The following SERGEF variants were observed in gnomAD, a reference collection of about 807,000 sequenced individuals.
SERGEF encodes the protein secretion regulating guanine nucleotide exchange factor, also known as secretion-regulating guanine nucleotide exchange factor.
SERGEF carries 51 observed loss-of-function variants against 50.0 expected under a neutral mutation model. The observed-to-expected ratio is 1.02, with a 90% confidence interval of 0.81 to 1.29. The LOEUF is 1.29. Ranked by LOEUF, SERGEF falls within the 50% of genes most tolerant of loss-of-function variation. The pLI, the probability that SERGEF is intolerant of heterozygous loss-of-function variation, is 0.00. For missense variants in SERGEF, 521 were observed against 557.0 expected (o/e 0.94, Z 0.65); for synonymous variants, 205 against 212.4 (o/e 0.97, Z 0.30).
chr11:17,987,287 G>A (rs1307204205), intron 8 of SERGEF, among the ~76,000 whole-genome samples: 1 of 152,194 alleles, frequency 6.6e-6, no homozygotes, highest in Non-Finnish European at 1.5e-5. Context: ...TTTGATGCAG[G>A]AAAATGAGTA....
At position 17,937,647 on chromosome 11, in the gene SERGEF, C is replaced by T. The variant is rs539198975; in HGVS notation, c.1011+21823G>A. ...TGGTGTTCCACAATTCTACAATAAG[C>T]ATGCACACTTTCTATAACATGAAAT... is the stretch of plus-strand genomic sequence containing the variant. On this transcript the variant is annotated intron_variant, in intron 9 of 10. Coordinates refer to ENST00000265965, the MANE Select transcript of SERGEF (RefSeq NM_012139.4). 1.3e-4 allele frequency among the ~76,000 whole-genome samples: 20 copies of T among 152,228 alleles called. No individual in the cohort carries two copies. In the East Asian group the frequency reaches 3.9e-3, roughly 29 times the overall value.
At chr11:17,854,630 T>C (rs1178274378) in intron 10 of SERGEF, among the ~76,000 whole-genome samples, 1 of 152,218 alleles carries the variant, frequency 6.6e-6, no homozygotes. Flanking sequence ...ATTTCAAGCT[T>C]GCTAGCCAGT....
chr11:17,972,798 A>C (rs1272315278), intron 8 of SERGEF, among the ~76,000 whole-genome samples: 1 of 152,072 alleles, frequency 6.6e-6, no homozygotes, highest in Non-Finnish European at 1.5e-5. Flanking sequence ...CAGACAGGTG[A>C]TGTCCCCACG....
intron 9 of SERGEF, among the ~76,000 whole-genome samples, chr11:17,930,362 A>T (rs1356781580): frequency 1.3e-5 from 2 of 152,206 alleles, no homozygotes; most frequent in African/African-American, 2.4e-5. Context: ...GGATTCAGGC[A>T]CAGGAATAAG....
chr11:17,792,068 C>T (rs1289463698), intron 10 of SERGEF, among the ~76,000 whole-genome samples: 1 of 152,186 alleles, frequency 6.6e-6, no homozygotes, highest in Non-Finnish European at 1.5e-5. Context: ...ACATTTAACT[C>T]ATTATCCACT....
At chr11:17,824,248 C>A (rs1429379434) in intron 10 of SERGEF, among the ~76,000 whole-genome samples, 6 of 151,520 alleles carry the variant, frequency 4.0e-5, no homozygotes, top group Non-Finnish European at 7.4e-5. Flanking sequence ...TTGCAGTGAG[C>A]CAAGATCGCA....
intron 5 of SERGEF, among the ~76,000 whole-genome samples, chr11:17,998,789 C>G (rs1251793090): frequency 6.6e-6 from 1 of 150,420 alleles, no homozygotes; most frequent in East Asian, 1.9e-4. Context: ...CCAAAAAAGG[C>G]CATGCAAGAA....
intron 9 of SERGEF, among the ~76,000 whole-genome samples, chr11:17,891,739 C>T (rs904287555): frequency 2.6e-5 from 4 of 152,194 alleles, no homozygotes; most frequent in African/African-American, 9.7e-5. Flanking sequence ...CTTTTTAACA[C>T]AGAGCTATTC....
chr11:18,000,490 T>C lies in SERGEF; in HGVS notation c.508+7A>G. 6.4e-7 allele frequency: 1 copy of C among 1,551,952 alleles called. No homozygotes were observed. The highest frequency in any genetic ancestry group is 8.7e-7 in the Non-Finnish European group (1 of 1,147,730). On this transcript the variant is annotated splice_region_variant and intron_variant, in intron 5 of 10. Coordinates refer to ENST00000265965, the MANE Select transcript of SERGEF (RefSeq NM_012139.4). Reference sequence around the variant, plus strand: ...TAAAAATAAAAAAATAAAGATAAGATGATCACCTGTAGCAGCTACTGCATG... The same window carrying C: ...TAAAAATAAAAAAATAAAGATAAGACGATCACCTGTAGCAGCTACTGCATG...
At chr11:17,942,089 C>T (rs1398348587) in intron 9 of SERGEF, among the ~76,000 whole-genome samples, 1 of 150,744 alleles carries the variant, frequency 6.6e-6, no homozygotes, top group Non-Finnish European at 1.5e-5. Context: ...TGGATAGTCA[C>T]AGCCTTTTAT....
chr11:17,877,099 T>C (rs1302463213), intron 10 of SERGEF, among the ~76,000 whole-genome samples: 1 of 152,218 alleles, frequency 6.6e-6, no homozygotes, highest in Non-Finnish European at 1.5e-5. Context: ...TGTGTGAGTC[T>C]CTGCTAAGAG....
intron 10 of SERGEF, among the ~76,000 whole-genome samples, chr11:17,867,350 A>T (rs1024694022): frequency 6.6e-6 from 1 of 152,268 alleles, no homozygotes. Context: ...TCCAAAATCC[A>T]GTAGCGTAGT....
Position 17,995,859 on chromosome 11 carries a change from G to T in SERGEF, c.559C>A (p.Arg187=), listed in dbSNP as rs199581346. 23 of 1,613,892 alleles carry T rather than the reference G, an allele frequency of 1.4e-5. No homozygotes were observed. The African/African-American group carries it at 2.8e-4, about 20-fold the overall frequency. ...GGAAGAGTCTGCCCAGGGCACAACCGTCGTCCACATGATGCCAAACCAGTC... is the reference window on the plus strand; with the variant it reads ...GGAAGAGTCTGCCCAGGGCACAACCTTCGTCCACATGATGCCAAACCAGTC... ...WGTGLASCGR[R]LCPGQTLPLF... Residue 187 remains arginine (R), a synonymous_variant, in exon 6 of 11, where the codon CGG becomes AGG. Transcript: ENST00000265965.
At chr11:17,796,223 G>A (rs1006114362) in intron 10 of SERGEF, among the ~76,000 whole-genome samples, 2 of 152,192 alleles carry the variant, frequency 1.3e-5, no homozygotes, top group African/African-American at 4.8e-5. Context: ...GGATGACCTA[G>A]GAGACACTGA....
intron 8 of SERGEF, among the ~76,000 whole-genome samples, chr11:17,962,864 G>A (rs1414379364): frequency 5.3e-5 from 8 of 152,130 alleles, no homozygotes; most frequent in East Asian, 3.9e-4. Context: ...CAGGAGCAGC[G>A]TGAGGGGATG....
rs1853938641 is a variant in SERGEF, at chr11:18,000,533, T to C, written c.472A>G (p.Ile158Val). 4.4e-6 allele frequency: 7 copies of C among 1,588,392 alleles called. No homozygotes were observed. Among genetic ancestry groups the C allele is most frequent in the Non-Finnish European group, 6.0e-6 (7 of 1,172,404 alleles). ...ACTGCATGCCTCAGTCCAGCAGCAA[T>C]ACAAACAACCTTCTCTTTATGGAGC... ...IELHKEKVVC[I>V]AAGLRHAVAA... is the part of the protein sequence containing the mutation. The change falls in exon 5 of 11, where the codon ATT becomes GTT. Residue 158 changes from isoleucine (I) to valine (V), a missense_variant. By Grantham distance (29) the Ile-to-Val change is conservative. Transcript: ENST00000265965.
intron 10 of SERGEF, among the ~76,000 whole-genome samples, chr11:17,796,507 T>C (rs1393349132): frequency 3.9e-5 from 6 of 152,224 alleles, no homozygotes; most frequent in African/African-American, 1.4e-4. Flanking sequence ...GTTTGGTCTC[T>C]TTTTCTCTCT....
intron 6 of SERGEF, among the ~76,000 whole-genome samples, chr11:17,993,597 C>T (rs1490894427): frequency 3.9e-5 from 6 of 152,322 alleles, no homozygotes; most frequent in East Asian, 1.9e-4. Flanking sequence ...GTGGAGCTAG[C>T]CTGTGATGAC....
chr11:17,998,436 CATACATATATATAT>C (rs58856850), intron 5 of SERGEF, among the ~76,000 whole-genome samples: 4,576 of 46,064 alleles, frequency 0.099, 288 homozygotes, highest in Admixed American at 0.17. Context: ...TACATACATA[CATACATATATATAT>C]ATATATATAT....
Sources: gnomAD v4.1 joint callset for allele counts (sites outside exome capture counted in the v4.1 genomes callset) on GRCh38, gnomAD v4.1.1 for gene constraint, MANE v1.5 for transcripts, NCBI Gene and HGNC (gene_info 2026-07-23, HGNC 2026-07-21) for gene names.